Variants in PCDHGA5 observed in about 807,000 individuals in gnomAD.
The protein encoded by PCDHGA5 is protocadherin gamma subfamily A, 5.
In PCDHGA5, 36 loss-of-function variants were observed where a neutral mutation model predicts 56.7. The ratio of observed to expected loss-of-function variants is 0.64; its 90% CI spans 0.49 to 0.84. The LOEUF (loss-of-function observed/expected upper bound fraction) is 0.84, where lower values mean the gene tolerates loss of function less well. Ranked by LOEUF, PCDHGA5 falls within the 40% of genes least tolerant of loss-of-function variation. PCDHGA5 has a pLI of 0.00. For missense variants in PCDHGA5, 1,305 were observed against 1,201.5 expected (o/e 1.09, Z -1.27); for synonymous variants, 563 against 520.2 (o/e 1.08, Z -1.12).
intron 1 of PCDHGA5, chr5:141,419,406 C>A (rs367731612): frequency 1.9e-6 from 3 of 1,613,404 alleles, no homozygotes; most frequent in Non-Finnish European, 2.5e-6. Context: ...GTGGTGTTCG[C>A]GCAGCGCGCC....
At chr5:141,394,851 C>T in intron 1 of PCDHGA5, 1 of 1,613,824 alleles carries the variant, frequency 6.2e-7, no homozygotes, top group Non-Finnish European at 8.5e-7. Context: ...CAGTCTGAAG[C>T]CTTCGGTCGA....
chr5:141,415,076 G>A (rs772523894), intron 1 of PCDHGA5: 3 of 1,613,462 alleles, frequency 1.9e-6, no homozygotes, highest in South Asian at 1.1e-5. Context: ...CGCACGGCGC[G>A]AGCCCTGCTG....
Position 141,491,340 on chromosome 5 carries a change from C to T in PCDHGA5, c.2422-3467C>T, listed in dbSNP as rs772328241. The T allele has an allele frequency of 3.7e-6, 6 of 1,614,144 alleles. No individual in the cohort carries two copies. The Admixed American group carries it at 6.7e-5, about 18-fold the overall frequency. ...TTTACCTCATTGTGGCTCTAGCGAC[C>T]GTCAGTCTCTTATCCCTAGTCACCT... On this transcript the variant is annotated intron_variant, in intron 1 of 3. Transcript: ENST00000518069. This position sits in a 1 kb window ranked among gnomAD's most constrained non-coding sequence, Gnocchi z 6.9.
At position 141,486,714 on chromosome 5, in the gene PCDHGA5, CAG is replaced by C; in HGVS notation, c.2422-8092_2422-8091del. ...TCTTTCATCTCTCTGAACCCCCAGA[CAG>C]GAGCTGTTCATGCTACTCGATCCTT... On this transcript the variant is annotated intron_variant, in intron 1 of 3. Coordinates refer to ENST00000518069, the MANE Select transcript of PCDHGA5 (RefSeq NM_018918.3). This position sits in a 1 kb window ranked among gnomAD's most constrained non-coding sequence, Gnocchi z 5.0. 1 of 1,614,216 alleles carries C rather than the reference CAG, an allele frequency of 6.2e-7. No homozygotes were observed. Among genetic ancestry groups the C allele is most frequent in the Non-Finnish European group, 8.5e-7 (1 of 1,180,034 alleles).
intron 1 of PCDHGA5, among the ~76,000 whole-genome samples, chr5:141,455,130 A>G (rs1446894125): frequency 6.6e-6 from 1 of 150,872 alleles, no homozygotes; most frequent in South Asian, 2.1e-4. Flanking sequence ...GTTTTAAATT[A>G]CACTGTGTTA....
chr5:141,372,297 A>G, intron 1 of PCDHGA5: 1 of 1,613,298 alleles, frequency 6.2e-7, no homozygotes, highest in South Asian at 1.1e-5. Context: ...CTTGGGCGAC[A>G]GGGAGGCCGC....
intron 1 of PCDHGA5, chr5:141,400,547 C>T (rs534226736): frequency 2.5e-6 from 4 of 1,613,676 alleles, no homozygotes; most frequent in Non-Finnish European, 3.4e-6. Context: ...TATGTCTATT[C>T]TTTTTCATTA....
chr5:141,377,109 G>A (rs1437857373), intron 1 of PCDHGA5: 2 of 152,368 alleles, frequency 1.3e-5, no homozygotes, highest in Admixed American at 1.3e-4. Flanking sequence ...TCAAAAGAAT[G>A]TTCTGAAGTC....
At chr5:141,405,420 T>A in intron 1 of PCDHGA5, 1 of 1,509,592 alleles carries the variant, frequency 6.6e-7, no homozygotes, top group Non-Finnish European at 9.0e-7. Flanking sequence ...TTTTTGTTTT[T>A]TGTTTTGTTT....
At chr5:141,495,841 G>A (rs1187067340) in intron 2 of PCDHGA5, among the ~76,000 whole-genome samples, 1 of 151,864 alleles carries the variant, frequency 6.6e-6, no homozygotes, top group Non-Finnish European at 1.5e-5. Context: ...CAGCCTCTAT[G>A]TTTCTCTGTC....
In PCDHGA5 at chr5:141,491,665, C is replaced by A; in HGVS notation, c.2422-3142C>A. 1 of 1,613,764 alleles carries A rather than the reference C, an allele frequency of 6.2e-7. No individual in the cohort carries two copies. Among genetic ancestry groups the A allele is most frequent in the Admixed American group, 1.7e-5 (1 of 60,034 alleles). On this transcript the variant is annotated intron_variant, in intron 1 of 3. Coordinates refer to ENST00000518069, the MANE Select transcript of PCDHGA5 (RefSeq NM_018918.3). The surrounding 1 kb of genome is among the most constrained non-coding windows in gnomAD (Gnocchi z 6.9). ...TCTGGCGCTGGAGCCTGACGCCATCCGGTCCCGCTCTAATACGCTGCGGGA... is the reference window on the plus strand; with the variant it reads ...TCTGGCGCTGGAGCCTGACGCCATCAGGTCCCGCTCTAATACGCTGCGGGA...
chr5:141,365,800 C>T lies in PCDHGA5; in HGVS notation c.1470C>T (p.Ser490=). 2.5e-6 allele frequency: 4 copies of T among 1,613,914 alleles called. No homozygotes were observed. The highest frequency in any genetic ancestry group is 2.2e-5 in the South Asian group (2 of 91,078). The change falls in exon 1 of 4, where the codon TCC becomes TCT. Residue 490 remains serine, a synonymous_variant. Transcript: ENST00000518069. ...GCGACAACGCTCGAGTCACCTACTCCCTGGCTGAAGACACATTTCAGGGGG... is the reference window on the plus strand; with the variant it reads ...GCGACAACGCTCGAGTCACCTACTCTCTGGCTGAAGACACATTTCAGGGGG... The part of the protein sequence containing the change: ...DSGDNARVTY[S]LAEDTFQGAP...
chr5:141,411,515 T>A (rs1381474249), intron 1 of PCDHGA5: 1 of 151,910 alleles, frequency 6.6e-6, no homozygotes, highest in East Asian at 1.9e-4. Flanking sequence ...TCCTGGGAGG[T>A]CAAGGTTGCA....
intron 1 of PCDHGA5, among the ~76,000 whole-genome samples, chr5:141,368,366 C>CAT (rs1765610966): frequency 6.6e-6 from 1 of 151,978 alleles, no homozygotes; most frequent in African/African-American, 2.4e-5. Context: ...TATATACACA[C>CAT]ATATATATAC....
chr5:141,413,573 A>G (rs375156046), intron 1 of PCDHGA5: 12 of 1,613,768 alleles, frequency 7.4e-6, no homozygotes, highest in South Asian at 4.4e-5. Context: ...ATCAATGACA[A>G]TGCTCCAAAA....
At chr5:141,500,223 T>TATTG (rs1554186512) in intron 2 of PCDHGA5, among the ~76,000 whole-genome samples, 5 of 145,410 alleles carry the variant, frequency 3.4e-5, no homozygotes, top group African/African-American at 5.2e-5. Context: ...TTTATTTATT[T>TATTG]ATTGATACGT....
intron 1 of PCDHGA5, chr5:141,414,230 C>G (rs367888906): frequency 6.2e-7 from 1 of 1,613,190 alleles, no homozygotes; most frequent in Non-Finnish European, 8.5e-7. Flanking sequence ...CCAGAGCTGA[C>G]CATCACGTCT....
At chr5:141,409,438 A>C (rs1459982502) in intron 1 of PCDHGA5, 1 of 1,613,866 alleles carries the variant, frequency 6.2e-7, no homozygotes, top group Non-Finnish European at 8.5e-7. Context: ...CCCTGGACCG[A>C]GAGCAGACAC....
At chr5:141,366,885 T>A (rs1764844821) in intron 1 of PCDHGA5, 134 bp downstream of exon 1, 3 of 1,309,884 alleles carry the variant, frequency 2.3e-6, no homozygotes, top group African/African-American at 1.5e-5. Flanking sequence ...TTAATTTTTT[T>A]TATATAATTC....
Sources: gnomAD v4.1 joint callset for allele counts (sites outside exome capture counted in the v4.1 genomes callset) on GRCh38, gnomAD v4.1.1 for gene constraint, Gnocchi (gnomAD v3.1) non-coding constraint, MANE v1.5 for transcripts, NCBI Gene and HGNC (gene_info 2026-07-23, HGNC 2026-07-21) for gene names.